PIK3R3: variants seen among roughly 807,000 people sequenced by gnomAD.
The protein encoded by PIK3R3 is phosphoinositide-3-kinase regulatory subunit 3, also known as phosphatidylinositol 3-kinase regulatory subunit gamma.
Under a neutral mutation model 62.9 loss-of-function variants are expected in PIK3R3, and 64 were observed. The observed-to-expected ratio is 1.02, with a 90% CI of 0.83 to 1.25. PIK3R3 has a LOEUF of 1.25. Ranked by LOEUF, PIK3R3 falls within the 50% of genes most tolerant of loss-of-function variation. The probability of loss-of-function intolerance (pLI) is 0.00; values close to 1 mark genes in which losing one functional copy is unlikely to be tolerated. For missense variants in PIK3R3, 614 were observed against 561.6 expected (o/e 1.09, Z -0.94); for synonymous variants, 165 against 189.0 (o/e 0.87, Z 1.04).
At position 46,077,578 on chromosome 1, in the gene PIK3R3, T is replaced by A; in HGVS notation, c.251A>T (p.Asp84Val). The A allele has an allele frequency of 6.2e-7, 1 of 1,612,070 alleles. No homozygotes were observed. Among genetic ancestry groups the A allele is most frequent in the Middle Eastern group, 1.6e-4 (1 of 6,062 alleles). ...GGCATCTCGGACCAAGAAGGTCCCA[T>A]CTGGCATATCCCGCAATTTGTCATT... ...EVNDKLRDMP[D>V]GTFLVRDAST... The change falls in exon 3 of 10, where the codon GAT (aspartate) becomes GTT (valine). Residue 84 changes from aspartate (D) to valine (V), a missense_variant. Coordinates refer to ENST00000262741, the MANE Select transcript of PIK3R3 (RefSeq NM_003629.4).
intron 1 of PIK3R3, among the ~76,000 whole-genome samples, chr1:46,113,260 T>C (rs1455268885): frequency 6.6e-6 from 1 of 151,744 alleles, no homozygotes; most frequent in Non-Finnish European, 1.5e-5. Context: ...CCGCACCTAG[T>C]GGTCCAGATT....
At chr1:46,143,613 C>CTATA in the PIK3R3 span, among the ~76,000 whole-genome samples, 1 of 151,666 alleles carries the variant, frequency 6.6e-6, no homozygotes, top group East Asian at 1.9e-4. Context: ...GTAGCTGGGA[C>CTATA]TATAGCACAT....
At position 46,046,606 on chromosome 1, in the gene PIK3R3, C is replaced by CT; in HGVS notation, c.960dup (p.Val321SerfsTer13). On this transcript the variant is annotated frameshift_variant, in exon 8 of 10. Coordinates refer to ENST00000262741, the MANE Select transcript of PIK3R3 (RefSeq NM_003629.4). LOFTEE classifies it high-confidence loss of function. ...CAGACATTCAGGCGTTTCTGTCTCA[C>CT]TCCTTTGTGATTGAGCCATCTGCCA... 1 of 1,613,266 alleles carries CT rather than the reference C, an allele frequency of 6.2e-7. No individual in the cohort carries two copies. The highest frequency in any genetic ancestry group is 1.7e-5 in the Admixed American group (1 of 60,020).
At chr1:46,046,504 A>G (rs888154824) in intron 8 of PIK3R3, 47 bp downstream of exon 8, 14 of 1,231,498 alleles carry the variant, frequency 1.1e-5, no homozygotes, top group Non-Finnish European at 1.6e-5. Flanking sequence ...CGCATGTCTT[A>G]TATTGATAAC....
Position 46,043,524 on chromosome 1 carries a change from C to T in PIK3R3, c.*149G>A, listed in dbSNP as rs1293118150. The T allele has an allele frequency of 8.9e-6, 6 of 675,150 alleles. No homozygotes were observed. The highest frequency in any genetic ancestry group is 1.5e-5 in the Non-Finnish European group (6 of 394,062). The allele number at this position is 675,150 out of a possible 1,614,324, so 41.8% of individuals were successfully genotyped here. On this transcript the variant is annotated 3_prime_UTR_variant, in exon 10 of 10. Coordinates refer to ENST00000262741, the MANE Select transcript of PIK3R3 (RefSeq NM_003629.4). ...CAGGCCTCTAATGCCCCCATCCCGG[C>T]CGGCTGCTGCTCGGCCTCTCCACTT...
intron 1 of PIK3R3, among the ~76,000 whole-genome samples, chr1:46,122,427 T>A: frequency 6.6e-6 from 1 of 152,194 alleles, no homozygotes; most frequent in East Asian, 1.9e-4. Flanking sequence ...TGGAGTGCAG[T>A]GGCGCGATCT....
chr1:46,164,564 G>A, the PIK3R3 span, among the ~76,000 whole-genome samples: 1 of 152,146 alleles, frequency 6.6e-6, no homozygotes, highest in African/African-American at 2.4e-5. Context: ...GGGAGGCGGA[G>A]ATTGCAGTGA....
intron 1 of PIK3R3, among the ~76,000 whole-genome samples, chr1:46,111,385 C>T (rs562941613): frequency 3.1e-4 from 47 of 151,964 alleles, no homozygotes; most frequent in South Asian, 6.3e-4. Context: ...CATGCCCCAC[C>T]GCTGCCTTCT....
At position 46,043,652 on chromosome 1, in the gene PIK3R3, A is replaced by C. The variant is rs1571334668; in HGVS notation, c.*21T>G. ...CTGTAGAAAAAAATGCCAGAGAACCACCTCTCTTCCCACTTCCTCTTTATC... is the reference window on the plus strand; with the variant it reads ...CTGTAGAAAAAAATGCCAGAGAACCCCCTCTCTTCCCACTTCCTCTTTATC... On this transcript the variant is annotated 3_prime_UTR_variant, in exon 10 of 10. Transcript: ENST00000262741. The C allele has an allele frequency of 6.2e-7, 1 of 1,605,860 alleles. No homozygotes were observed. The highest frequency in any genetic ancestry group is 8.5e-7 in the Non-Finnish European group (1 of 1,172,696).
At chr1:46,112,091 T>C (rs558575258) in intron 1 of PIK3R3, among the ~76,000 whole-genome samples, 1 of 152,318 alleles carries the variant, frequency 6.6e-6, no homozygotes, top group South Asian at 2.1e-4. Flanking sequence ...CACTGTGATA[T>C]GCCATGGAAA....
chr1:46,046,565 A>T lies in PIK3R3; in HGVS notation c.1002T>A (p.Asn334Lys). ...KRLNVWLGIK[N>K]EDADENYFIN... The stretch of plus-strand genomic sequence containing the variant: ...AGAGAACTTACTCATCAGCATCCTC[A>T]TTCTTAATTCCCAGCCAGACATTCA... The change falls in exon 8 of 10, where the codon AAT (asparagine) becomes AAA (lysine). Residue 334 changes from asparagine to lysine, a missense_variant. Transcript: ENST00000262741. 6.2e-7 allele frequency: 1 copy of T among 1,611,678 alleles called. No individual in the cohort carries two copies. The highest frequency in any genetic ancestry group is 8.5e-7 in the Non-Finnish European group (1 of 1,177,762).
At chr1:46,167,981 C>T in the PIK3R3 span, among the ~76,000 whole-genome samples, 1 of 151,950 alleles carries the variant, frequency 6.6e-6, no homozygotes, top group Non-Finnish European at 1.5e-5. Context: ...CATGGTGAAA[C>T]CCTGTCTCTA....
chr1:46,099,752 G>A (rs898756944), intron 1 of PIK3R3, among the ~76,000 whole-genome samples: 3 of 152,076 alleles, frequency 2.0e-5, no homozygotes, highest in African/African-American at 7.2e-5. Flanking sequence ...ATCTTCTAGA[G>A]TTTCCCTAGG....
At chr1:46,114,738 G>A (rs1654027333) in intron 1 of PIK3R3, among the ~76,000 whole-genome samples, 1 of 149,912 alleles carries the variant, frequency 6.7e-6, no homozygotes, top group Admixed American at 6.7e-5. Context: ...CCAAGTAGCC[G>A]AGACTACAGG....
At chr1:46,075,872 C>T (rs532948550) in intron 3 of PIK3R3, among the ~76,000 whole-genome samples, 148 of 152,326 alleles carry the variant, frequency 9.7e-4, no homozygotes, top group Admixed American at 3.4e-3. Context: ...AATGGTATAA[C>T]TCTCAGTCCA....
intron 5 of PIK3R3, 65 bp from the exon 6 acceptor site, chr1:46,062,136 C>A: frequency 7.0e-7 from 1 of 1,418,796 alleles, no homozygotes; most frequent in South Asian, 1.3e-5. Flanking sequence ...TAACCTTGGT[C>A]TTAAACAAAT....
At chr1:46,145,415 G>C in the PIK3R3 span, among the ~76,000 whole-genome samples, 3 of 152,072 alleles carry the variant, frequency 2.0e-5, no homozygotes, top group Admixed American at 6.6e-5. Context: ...GATTCTGTTG[G>C]CTGGAAGAGT....
chr1:46,103,928 T>G (rs1003900012), intron 1 of PIK3R3, among the ~76,000 whole-genome samples: 8 of 150,924 alleles, frequency 5.3e-5, no homozygotes, highest in Non-Finnish European at 1.2e-4. Context: ...GAAGGTCTTT[T>G]TTTTGTTGTT....
the PIK3R3 span, among the ~76,000 whole-genome samples, chr1:46,156,280 T>C: frequency 2.2e-4 from 34 of 151,756 alleles, no homozygotes; most frequent in African/African-American, 8.2e-4. Context: ...GCCAACATGG[T>C]GAAACCCCGT....
Sources: gnomAD v4.1 joint callset for allele counts (sites outside exome capture counted in the v4.1 genomes callset) on GRCh38, gnomAD v4.1.1 for gene constraint, MANE v1.5 for transcripts, NCBI Gene and HGNC (gene_info 2026-07-23, HGNC 2026-07-21) for gene names.